INO80: variants seen among roughly 807,000 people sequenced by gnomAD.
The protein encoded by INO80 is INO80 complex ATPase subunit.
INO80 carries 20 observed loss-of-function variants against 203.4 expected under a neutral mutation model. The observed-to-expected ratio is 0.10, with a 90% confidence interval of 0.07 to 0.14. The LOEUF (loss-of-function observed/expected upper bound fraction) is 0.14, where lower values mean the gene tolerates loss of function less well. Among genes scored for constraint, INO80 ranks in the 10% least tolerant of loss-of-function variants. The pLI, the probability that INO80 is intolerant of heterozygous loss-of-function variation, is 1.00. For synonymous variants in INO80, 726 were observed against 685.2 expected (o/e 1.06, Z -0.93); for missense variants, 1,419 against 1,914.4 (o/e 0.74, Z 4.83).
At chr15:41,085,917 T>C (rs1190417620) in intron 6 of INO80, among the ~76,000 whole-genome samples, 2 of 152,074 alleles carry the variant, frequency 1.3e-5, no homozygotes, top group Non-Finnish European at 2.9e-5. Context: ...TGGAGTGCAA[T>C]GGTGCAATCT....
At chr15:40,989,301 G>A (rs1410724706) in intron 29 of INO80, among the ~76,000 whole-genome samples, 1 of 152,166 alleles carries the variant, frequency 6.6e-6, no homozygotes, top group African/African-American at 2.4e-5. Flanking sequence ...AGGGTTCTCT[G>A]GAAGTGACTT....
At chr15:41,034,395 A>T (rs1566920887) in intron 24 of INO80, among the ~76,000 whole-genome samples, 1 of 152,186 alleles carries the variant, frequency 6.6e-6, no homozygotes, top group Non-Finnish European at 1.5e-5. Flanking sequence ...CTCAGGTAGT[A>T]TGTGACCTCA....
chr15:41,092,568 G>A (rs550869971), intron 4 of INO80, among the ~76,000 whole-genome samples: 142 of 152,088 alleles, frequency 9.3e-4, no homozygotes, highest in Non-Finnish European at 1.7e-3. Flanking sequence ...TGGCCCAAAA[G>A]GAGAAATATC....
Position 41,085,358 on chromosome 15 carries a change from C to T in INO80, c.873+11G>A. ...TCTCCTAATTTCCATCTCCTGGAGG[C>T]ATTCACTTACCTTTGGTAGTTCCTT... is the stretch of plus-strand genomic sequence containing the variant. On this transcript the variant is annotated intron_variant, in intron 7 of 35. Transcript: ENST00000648947. The T allele has an allele frequency of 6.2e-7, 1 of 1,611,084 alleles. No individual in the cohort carries two copies. The highest frequency in any genetic ancestry group is 8.5e-7 in the Non-Finnish European group (1 of 1,177,280).
intron 24 of INO80, among the ~76,000 whole-genome samples, chr15:41,035,908 C>A (rs2044565556): frequency 6.8e-6 from 1 of 146,822 alleles, no homozygotes; most frequent in South Asian, 2.2e-4. Flanking sequence ...GTGGGCAGAT[C>A]ACTTGAGGCC....
chr15:41,072,335 A>T (rs2045334314), intron 11 of INO80, among the ~76,000 whole-genome samples: 1 of 152,070 alleles, frequency 6.6e-6, no homozygotes, highest in African/African-American at 2.4e-5. Flanking sequence ...AGGGGCTCCT[A>T]TGCAGTATAT....
In INO80 at chr15:41,080,950, G is replaced by A; in HGVS notation, c.927+70C>T. ...AGGTTACGACGGACAAGAGCAGCAAGATGGACCCCAAAGAAGAAGAATATA... is the reference window on the plus strand; with the variant it reads ...AGGTTACGACGGACAAGAGCAGCAAAATGGACCCCAAAGAAGAAGAATATA... On this transcript the variant is annotated intron_variant, in intron 8 of 35. Coordinates refer to ENST00000648947, the MANE Select transcript of INO80 (RefSeq NM_017553.3). 8 of 976,754 alleles carry A rather than the reference G, an allele frequency of 8.2e-6. No homozygotes were observed. The South Asian group carries it at 9.2e-5, about 11-fold the overall frequency. 60.5% of individuals were successfully genotyped at this position (976,754 alleles called of 1,614,324 possible). A position where few individuals can be genotyped will look rare whatever the true frequency, so the allele number is the denominator to read the frequency against.
chr15:41,002,423 C>T (rs947102902), intron 28 of INO80, among the ~76,000 whole-genome samples: 3 of 152,176 alleles, frequency 2.0e-5, no homozygotes, highest in African/African-American at 4.8e-5. Context: ...ATAAATTATA[C>T]ACCTCCTGAT....
intron 1 of INO80, among the ~76,000 whole-genome samples, chr15:41,100,092 T>A (rs745469489): frequency 6.6e-6 from 1 of 152,166 alleles, no homozygotes; most frequent in Admixed American, 6.5e-5. Context: ...CTTTTCTTTT[T>A]TTTTTGAGAC....
chr15:41,116,010 AG>A lies in INO80; in HGVS notation c.-82del, dbSNP rs902213133. The A allele has an allele frequency of 4.7e-5, 18 of 385,608 alleles. No individual in the cohort carries two copies. The highest frequency in any genetic ancestry group is 3.3e-4 in the African/African-American group (16 of 47,810). 23.9% of individuals were successfully genotyped at this position (385,608 alleles called of 1,614,324 possible). A position where few individuals can be genotyped will look rare whatever the true frequency, so the allele number is the denominator to read the frequency against. ...GGCCCCGCCGCCGCGACGGCGGCGG[AG>A]GGGGGGCGGGGTGCGGGCGGGGTCC... On this transcript the variant is annotated 5_prime_UTR_variant, in exon 1 of 36. An upstream open reading frame in the 5' UTR loses its in-frame stop. Transcript: ENST00000648947.
At chr15:41,092,246 A>AT in intron 4 of INO80, 64 bp from the exon 5 acceptor site, 1 of 1,371,628 alleles carries the variant, frequency 7.3e-7, no homozygotes, top group Non-Finnish European at 9.9e-7. Flanking sequence ...TAATCCAAGC[A>AT]TTTTTTCCTA....
At chr15:41,045,692 G>A (rs796193056) in intron 23 of INO80, among the ~76,000 whole-genome samples, 3 of 151,640 alleles carry the variant, frequency 2.0e-5, no homozygotes, top group African/African-American at 7.3e-5. Flanking sequence ...CAGGAGTTCG[G>A]GAACAGCCTG....
At chr15:41,032,062 G>GCACA (rs1566919746) in intron 24 of INO80, among the ~76,000 whole-genome samples, 16 of 73,790 alleles carry the variant, frequency 2.2e-4, no homozygotes, top group African/African-American at 7.6e-4. Flanking sequence ...GCACAGCACA[G>GCACA]GACAGCACAG....
At chr15:41,011,509 G>A (rs1401762771) in intron 27 of INO80, 7 of 151,986 alleles carry the variant, frequency 4.6e-5, no homozygotes, top group African/African-American at 1.4e-4. Flanking sequence ...ATGGTTGTAA[G>A]CTGACAAATT....
chr15:41,100,829 TC>T (rs1233712014), intron 1 of INO80, among the ~76,000 whole-genome samples: 130 of 151,378 alleles, frequency 8.6e-4, no homozygotes, highest in African/African-American at 2.8e-3. Context: ...CACAATTTTT[TC>T]TTTTTTTTTT....
chr15:40,998,016 CTTTT>C lies in INO80; in HGVS notation c.3498-419_3498-416del, dbSNP rs10572892. 5.6e-3 allele frequency among the ~76,000 whole-genome samples: 423 copies of C among 75,176 alleles called. 3 individuals carry two copies. The highest frequency in any genetic ancestry group is 0.015 in the African/African-American group (274 of 18,290). The allele number at this position is 75,176 out of a possible 152,430, so 49.3% of individuals were successfully genotyped here. A position where few individuals can be genotyped will look rare whatever the true frequency, so the allele number is the denominator to read the frequency against. On this transcript the variant is annotated intron_variant, in intron 28 of 35. Coordinates refer to ENST00000648947, the MANE Select transcript of INO80 (RefSeq NM_017553.3). ...ACTAATGTTATTATTCCAAAACACT[CTTTT>C]TTTTTTTTTTTTTTTTTTTTAGACG...
intron 1 of INO80, among the ~76,000 whole-genome samples, chr15:41,113,182 C>G (rs2928150): frequency 1.3e-5 from 2 of 151,772 alleles, no homozygotes; most frequent in Admixed American, 1.3e-4. Context: ...CCCAAAGTGC[C>G]GGGATTACAG....
intron 5 of INO80, among the ~76,000 whole-genome samples, chr15:41,090,531 G>A (rs376526025): frequency 1.6e-4 from 25 of 152,162 alleles, no homozygotes; most frequent in East Asian, 5.8e-4. Context: ...AGCCAAGATC[G>A]CGCCACTGCA....
Position 41,116,025 on chromosome 15 carries a change from C to A in INO80, c.-96G>T. On this transcript the variant is annotated 5_prime_UTR_variant, in exon 1 of 36. Transcript: ENST00000648947. ...ACGGCGGCGGAGGGGGGGCGGGGTG[C>A]GGGCGGGGTCCGGAGGGGGGGGTCG... is the stretch of plus-strand genomic sequence containing the variant. The A allele has an allele frequency of 2.6e-6, 1 of 391,574 alleles. No homozygotes were observed. The highest frequency in any genetic ancestry group is 4.5e-6 in the Non-Finnish European group (1 of 221,894). 24.3% of individuals were successfully genotyped at this position (391,574 alleles called of 1,614,324 possible).
Sources: allele counts gnomAD v4.1 joint callset (sites outside exome capture counted in the v4.1 genomes callset), GRCh38; gene constraint gnomAD v4.1.1; transcripts MANE v1.5; gene names NCBI Gene and HGNC (gene_info 2026-07-23, HGNC 2026-07-21).